Variants in DSCAM observed in about 807,000 individuals in gnomAD.
The protein encoded by DSCAM is cell adhesion molecule DSCAM.
DSCAM carries 47 observed loss-of-function variants against 217.7 expected under a neutral mutation model. The observed-to-expected ratio is 0.22, with a 90% confidence interval of 0.17 to 0.28. DSCAM has a LOEUF of 0.28. Ranked by LOEUF, DSCAM falls within the 10% of genes least tolerant of loss-of-function variation. DSCAM has a pLI of 1.00. For missense variants in DSCAM, 2,080 were observed against 2,618.3 expected (o/e 0.79, Z 4.49); for synonymous variants, 1,056 against 1,015.3 (o/e 1.04, Z -0.76).
chr21:40,630,149 C>A (rs185366800), intron 3 of DSCAM, among the ~76,000 whole-genome samples: 5 of 152,104 alleles, frequency 3.3e-5, no homozygotes, highest in Admixed American at 1.3e-4. Flanking sequence ...ATTAATTAAG[C>A]AGGAAAGCAC....
intron 11 of DSCAM, among the ~76,000 whole-genome samples, chr21:40,192,969 A>G (rs1007361535): frequency 3.9e-5 from 6 of 152,138 alleles, no homozygotes; most frequent in Admixed American, 3.9e-4. Context: ...TTATATGGCA[A>G]TTTCATGTTT....
intron 4 of DSCAM, among the ~76,000 whole-genome samples, chr21:40,357,877 C>A (rs1017736563): frequency 3.7e-4 from 56 of 150,216 alleles, no homozygotes; most frequent in African/African-American, 1.2e-3. Context: ...AAAACAAAAA[C>A]AAAAAATGTG....
intron 1 of DSCAM, among the ~76,000 whole-genome samples, chr21:40,780,874 T>A (rs1601251109): frequency 6.6e-6 from 1 of 152,196 alleles, no homozygotes; most frequent in East Asian, 1.9e-4. Flanking sequence ...AGACTAGTAC[T>A]TGAATTGTTT....
chr21:40,200,920 C>A (rs1057118444), intron 11 of DSCAM, among the ~76,000 whole-genome samples: 11 of 152,206 alleles, frequency 7.2e-5, no homozygotes, highest in South Asian at 2.1e-4. Flanking sequence ...ACTTATTGTT[C>A]ATAAGATTTC....
intron 1 of DSCAM, among the ~76,000 whole-genome samples, chr21:40,833,254 C>G (rs546393138): frequency 1.3e-5 from 2 of 152,154 alleles, no homozygotes; most frequent in African/African-American, 4.8e-5. Context: ...TTTCTAGCTA[C>G]GGTTTCAATA....
chr21:40,680,954 C>G (rs7277806), intron 3 of DSCAM, among the ~76,000 whole-genome samples: 1 of 152,084 alleles, frequency 6.6e-6, no homozygotes, highest in Non-Finnish European at 1.5e-5. Flanking sequence ...GAGCCTTGGA[C>G]AGTCAATACA....
chr21:40,147,590 T>G (rs2090372283), intron 16 of DSCAM, among the ~76,000 whole-genome samples: 1 of 152,240 alleles, frequency 6.6e-6, no homozygotes, highest in Admixed American at 6.5e-5. Context: ...AATTATCTCA[T>G]TTTGTTTTAT....
chr21:40,472,880 G>C (rs1294960010), intron 3 of DSCAM, among the ~76,000 whole-genome samples: 1 of 152,166 alleles, frequency 6.6e-6, no homozygotes, highest in Non-Finnish European at 1.5e-5. Flanking sequence ...ACTGTGTGGA[G>C]AGAAACGAGA....
chr21:40,246,775 G>A (rs1358022418), intron 11 of DSCAM, among the ~76,000 whole-genome samples: 3 of 152,166 alleles, frequency 2.0e-5, no homozygotes, highest in Non-Finnish European at 4.4e-5. Flanking sequence ...CAGGATGCAG[G>A]ACTTTCAATG....
intron 3 of DSCAM, among the ~76,000 whole-genome samples, chr21:40,529,944 C>A (rs890211660): frequency 3.3e-5 from 5 of 152,038 alleles, no homozygotes; most frequent in Non-Finnish European, 7.3e-5. Context: ...TCCCATTGAC[C>A]CCAGCAATAC....
chr21:40,405,102 A>T (rs1334750591), intron 3 of DSCAM, among the ~76,000 whole-genome samples: 1 of 152,214 alleles, frequency 6.6e-6, no homozygotes, highest in Non-Finnish European at 1.5e-5. Context: ...AATGGGACAT[A>T]GCCCATGGCC....
intron 3 of DSCAM, among the ~76,000 whole-genome samples, chr21:40,675,809 A>T (rs1190217029): frequency 6.6e-6 from 1 of 152,198 alleles, no homozygotes; most frequent in Non-Finnish European, 1.5e-5. Context: ...AGAGTTTACA[A>T]TGTTTGTCCC....
intron 18 of DSCAM, among the ~76,000 whole-genome samples, chr21:40,139,812 T>G (rs1438206508): frequency 4.0e-5 from 6 of 150,642 alleles, no homozygotes; most frequent in Non-Finnish European, 8.9e-5. Flanking sequence ...GTATGTGTGG[T>G]GTGTGTGTGT....
chr21:40,712,587 G>C (rs1310352916), intron 1 of DSCAM, among the ~76,000 whole-genome samples: 1 of 151,190 alleles, frequency 6.6e-6, no homozygotes, highest in Non-Finnish European at 1.5e-5. Context: ...CTAATGCCTA[G>C]CAAGCTGTGT....
intron 32 of DSCAM, among the ~76,000 whole-genome samples, chr21:40,021,406 G>A (rs1349003246): frequency 1.3e-5 from 2 of 152,000 alleles, no homozygotes; most frequent in African/African-American, 2.4e-5. Flanking sequence ...ACTTTGAACG[G>A]CCCTTGTGGA....
At chr21:40,215,884 G>A (rs1351142920) in intron 11 of DSCAM, among the ~76,000 whole-genome samples, 2 of 151,220 alleles carry the variant, frequency 1.3e-5, no homozygotes, top group Non-Finnish European at 2.9e-5. Context: ...ATAAATGACT[G>A]CCATTTTGTC....
chr21:40,226,750 T>A (rs758599415), intron 11 of DSCAM, among the ~76,000 whole-genome samples: 10 of 152,252 alleles, frequency 6.6e-5, no homozygotes, highest in African/African-American at 1.7e-4. Flanking sequence ...TAACATTTTT[T>A]AAAATTTTTA....
chr21:40,233,190 A>G (rs2091397125), intron 11 of DSCAM, among the ~76,000 whole-genome samples: 1 of 152,164 alleles, frequency 6.6e-6, no homozygotes, highest in South Asian at 2.1e-4. Context: ...TTTTTTTAAA[A>G]TCCCTTAAGA....
At chr21:40,086,811 T>C (rs534495062) in intron 22 of DSCAM, among the ~76,000 whole-genome samples, 80 of 152,342 alleles carry the variant, frequency 5.3e-4, no homozygotes, top group African/African-American at 1.7e-3. Context: ...GAAGAAGAGA[T>C]AGGTGTTAAA....
Sources: gnomAD v4.1 joint callset for allele counts (sites outside exome capture counted in the v4.1 genomes callset) on GRCh38, gnomAD v4.1.1 for gene constraint, MANE v1.5 for transcripts, NCBI Gene and HGNC (gene_info 2026-07-23, HGNC 2026-07-21) for gene names.